PRH1: variants seen among roughly 807,000 people sequenced by gnomAD.
PRH1 encodes the protein proline rich protein HaeIII subfamily 1.
A neutral mutation model predicts 7.9 loss-of-function variants in PRH1; 7 were observed. The ratio of observed to expected loss-of-function variants is 0.89; its 90% CI spans 0.50 to 1.67. PRH1 has a LOEUF of 1.67. PRH1 is among the 40% of genes most tolerant of loss of function. The probability of loss-of-function intolerance (pLI) is 0.00; values close to 1 mark genes in which losing one functional copy is unlikely to be tolerated. For missense variants in PRH1, 109 were observed against 223.6 expected (o/e 0.49, Z 3.27); for synonymous variants, 45 against 80.8 (o/e 0.56, Z 2.38).
upstream of PRH1, among the ~76,000 whole-genome samples, chr12:11,050,831 T>C (rs748062285): frequency 2.1e-4 from 32 of 152,384 alleles, no homozygotes; most frequent in Non-Finnish European, 3.8e-4. Flanking sequence ...GGTTTCCATA[T>C]TGGAGTTTCT....
rs1304879210 is a variant in PRH1 at position 11,105,865 on chromosome 12, T to C, written n.124-58677A>G. Among the ~76,000 whole-genome samples the C allele has an allele frequency of 2.0e-5, 3 of 152,228 alleles. No homozygotes were observed. The East Asian group carries it at 5.8e-4, about 29-fold the overall frequency. ...TTTCCTACCAAAAGGATTCAAGTTT[T>C]TCTTGGGAATCTCAGAAAGGCCAAT... is the stretch of plus-strand genomic sequence containing the variant. On this transcript the variant is annotated intron_variant and non_coding_transcript_variant, in intron 1 of 4. Coordinates refer to the PRH1 transcript ENST00000541977.
rs147286077 is a variant in PRH1, at chr12:10,990,096, A to C, written c.-125-16375T>G. Among the ~76,000 whole-genome samples the C allele has an allele frequency of 7.4e-3, 1,131 of 152,312 alleles. 11 individuals carry two copies. Among genetic ancestry groups the C allele is most frequent in the Middle Eastern group, 0.027 (8 of 294 alleles). ...GTATATTACAGAGCTATAGTAACCA[A>C]AACAGCATGGTACTGGCATAAAAAC... On this transcript the variant is annotated intron_variant, in intron 1 of 3. Coordinates refer to the PRH1 transcript ENST00000539853.
At chr12:11,070,439 A>G (rs1944015069) in intron 1 of PRH1, among the ~76,000 whole-genome samples, 1 of 147,188 alleles carries the variant, frequency 6.8e-6, no homozygotes, top group South Asian at 2.1e-4. Flanking sequence ...ACAAGACCCC[A>G]GAAGTATACC....
At chr12:11,064,914 C>CT (rs1243572115) in intron 1 of PRH1, among the ~76,000 whole-genome samples, 1 of 151,954 alleles carries the variant, frequency 6.6e-6, no homozygotes, top group Non-Finnish European at 1.5e-5. Context: ...AAAAGCCAGG[C>CT]ATAAGGAAGC....
intron 1 of PRH1, among the ~76,000 whole-genome samples, chr12:11,062,465 T>C (rs893274112): frequency 1.2e-4 from 18 of 152,112 alleles, no homozygotes; most frequent in African/African-American, 4.1e-4. Flanking sequence ...CACCATGGCA[T>C]GCTAATGGGT....
intron 1 of PRH1, chr12:10,997,288 C>G: frequency 6.2e-7 from 1 of 1,614,030 alleles, no homozygotes; most frequent in Non-Finnish European, 8.5e-7. Context: ...AGATTAACAG[C>G]AGAAAAGATA....
intron 1 of PRH1, chr12:11,076,865 C>T (rs2136222808): frequency 8.7e-6 from 1 of 114,894 alleles, no homozygotes; most frequent in South Asian, 2.4e-4. Context: ...TGAAATAAAA[C>T]CTACCCCAAA....
rs533738545 is a variant in PRH1, at chr12:10,973,528, T to C, written c.-59+127A>G. The C allele has an allele frequency of 7.9e-4, 452 of 571,878 alleles. 1 individual carries two copies. The highest frequency in any genetic ancestry group is 1.3e-3 in the Non-Finnish European group (419 of 318,326). The allele number at this position is 571,878 out of a possible 1,614,324, so 35.4% of individuals were successfully genotyped here. Reference sequence around the variant, plus strand: ...ACACAATAACAATACCCTCCTTGAGTAGGCTTTATGAGAAGTTAGTACACT... The same window carrying C: ...ACACAATAACAATACCCTCCTTGAGCAGGCTTTATGAGAAGTTAGTACACT... On this transcript the variant is annotated intron_variant, in intron 2 of 3. Coordinates refer to the PRH1 transcript ENST00000539853.
chr12:11,118,309 AT>A (rs1309308147), downstream of PRH1, among the ~76,000 whole-genome samples: 1 of 152,230 alleles, frequency 6.6e-6, no homozygotes, highest in Non-Finnish European at 1.5e-5. Context: ...TCAAACAGAC[AT>A]GTGAAAAGGT....
intron 1 of PRH1, chr12:11,171,277 G>A: frequency 1.1e-6 from 1 of 943,284 alleles, no homozygotes; most frequent in Non-Finnish European, 1.4e-6. Context: ...CGTCCTGCCG[G>A]TCCCAGCCGT....
intron 2 of PRH1, chr12:10,930,782 C>T: frequency 6.2e-7 from 1 of 1,609,864 alleles, no homozygotes; most frequent in Non-Finnish European, 8.5e-7. Flanking sequence ...CAGGGACCAC[C>T]CCAACAAGGA....
At chr12:10,929,268 T>A in intron 2 of PRH1, 28 of 1,614,218 alleles carry the variant, frequency 1.7e-5, no homozygotes, top group Non-Finnish European at 2.4e-5. Context: ...CAGAGCCTTC[T>A]GCAAGATGCT....
intron 1 of PRH1, among the ~76,000 whole-genome samples, chr12:11,065,850 A>T (rs1943785466): frequency 1.3e-5 from 2 of 152,324 alleles, no homozygotes; most frequent in South Asian, 2.1e-4. Context: ...CTGGAAATTG[A>T]TTTGATGTGA....
At chr12:11,111,720 C>A (rs1323742607) in intron 1 of PRH1, among the ~76,000 whole-genome samples, 2 of 152,110 alleles carry the variant, frequency 1.3e-5, no homozygotes, top group African/African-American at 4.8e-5. Flanking sequence ...AAAGTTGACA[C>A]CCTAGCATCA....
chr12:10,893,574 T>C (rs1949605768), intron 2 of PRH1, among the ~76,000 whole-genome samples: 1 of 152,244 alleles, frequency 6.6e-6, no homozygotes, highest in Non-Finnish European at 1.5e-5. Context: ...ACCACTGTCC[T>C]AAAGGGATTT....
intron 1 of PRH1, among the ~76,000 whole-genome samples, chr12:11,015,592 G>T (rs1213438335): frequency 6.6e-6 from 1 of 151,974 alleles, no homozygotes; most frequent in Non-Finnish European, 1.5e-5. Context: ...GTAATATCTG[G>T]GTACTCAAAA....
chr12:10,897,023 C>G (rs1251200327), intron 2 of PRH1: 1 of 152,108 alleles, frequency 6.6e-6, no homozygotes, highest in Admixed American at 6.5e-5. Flanking sequence ...TCTGAGGTCA[C>G]AATGTCCAAA....
intron 2 of PRH1, among the ~76,000 whole-genome samples, chr12:10,972,377 G>A (rs935170951): frequency 6.6e-6 from 1 of 152,190 alleles, no homozygotes; most frequent in Non-Finnish European, 1.5e-5. Context: ...TGTGACCAAT[G>A]TCAAGCAGTA....
intron 2 of PRH1, among the ~76,000 whole-genome samples, chr12:10,913,887 A>C (rs1174224306): frequency 3.9e-5 from 6 of 152,208 alleles, no homozygotes; most frequent in Admixed American, 3.9e-4. Context: ...CATGTAACAG[A>C]AATCAAAAAC....
Sources: allele counts gnomAD v4.1 joint callset (sites outside exome capture counted in the v4.1 genomes callset), GRCh38; gene constraint gnomAD v4.1.1; transcripts MANE v1.5; gene names NCBI Gene and HGNC (gene_info 2026-07-23, HGNC 2026-07-21).